TAF8: variants seen among roughly 807,000 people sequenced by gnomAD.
TAF8 encodes TATA-box binding protein associated factor 8, also known as transcription initiation factor TFIID subunit 8.
TAF8 carries 47 observed loss-of-function variants against 36.5 expected under a neutral mutation model. The observed-to-expected ratio is 1.29, with a 90% confidence interval of 1.02 to 1.64. The LOEUF is 1.64. TAF8 is among the 40% of genes most tolerant of loss of function. The pLI, the probability that TAF8 is intolerant of heterozygous loss-of-function variation, is 0.00. For synonymous variants in TAF8, 175 were observed against 159.5 expected, an observed-to-expected ratio of 1.10 and a Z score of -0.73; for missense variants, 420 against 407.6, an observed-to-expected ratio of 1.03 and a Z score of -0.26.
Position 42,066,416 on chromosome 6 carries a change from C to A in TAF8, c.594C>A (p.Gly198=). The change falls in exon 6 of 9, where the codon GGC becomes GGA. Residue 198 remains glycine, a synonymous_variant. Transcript: ENST00000372977. Reference sequence around the variant, plus strand: ...TTACCCGTTTCATGGCCAAGACAGGCGAGACTCAGAGTCTTTTCAAAGATG... The same window carrying A: ...TTACCCGTTTCATGGCCAAGACAGGAGAGACTCAGAGTCTTTTCAAAGATG... ...RALTRFMAKT[G]ETQSLFKDDV... The A allele has an allele frequency of 6.2e-7, 1 of 1,614,180 alleles. No individual in the cohort carries two copies. Among genetic ancestry groups the A allele is most frequent in the Non-Finnish European group, 8.5e-7 (1 of 1,180,026 alleles).
downstream of TAF8, among the ~76,000 whole-genome samples, chr6:42,084,542 A>C (rs1161091511): frequency 2.0e-5 from 3 of 151,950 alleles, no homozygotes; most frequent in Non-Finnish European, 4.4e-5. Context: ...GGCTCACTGC[A>C]ACCTCCGCCT....
At chr6:42,077,443 C>A in intron 8 of TAF8, 90 bp from the exon 9 acceptor site, 1 of 1,578,644 alleles carries the variant, frequency 6.3e-7, no homozygotes, top group Non-Finnish European at 8.6e-7. Context: ...AGTCTAGGGA[C>A]CAACCCTCAC....
At chr6:42,050,645 C>A in intron 1 of TAF8, 59 bp downstream of exon 1, 1 of 1,502,868 alleles carries the variant, frequency 6.7e-7, no homozygotes, top group Non-Finnish European at 8.9e-7. Context: ...GCAACTTTCC[C>A]CTCGACTGAG....
chr6:42,060,502 A>G (rs749582732), intron 5 of TAF8, among the ~76,000 whole-genome samples: 1 of 152,184 alleles, frequency 6.6e-6, no homozygotes, highest in Non-Finnish European at 1.5e-5. Flanking sequence ...GAGCCCAGCC[A>G]TGGGTTTGTA....
intron 6 of TAF8, 22 bp from the exon 7 acceptor site, chr6:42,068,443 T>A (rs954182866): frequency 6.2e-7 from 1 of 1,613,492 alleles, no homozygotes; most frequent in Non-Finnish European, 8.5e-7. Flanking sequence ...AGTGGACTCA[T>A]GCCTCTCTTC....
chr6:42,070,868 C>CTA (rs1765541034), intron 7 of TAF8, among the ~76,000 whole-genome samples: 1 of 152,106 alleles, frequency 6.6e-6, no homozygotes, highest in African/African-American at 2.4e-5. Context: ...AATGGAGGGA[C>CTA]TAGCCTTCTT....
chr6:42,052,811 G>T (rs1245606230), intron 2 of TAF8, among the ~76,000 whole-genome samples: 1 of 152,104 alleles, frequency 6.6e-6, no homozygotes, highest in African/African-American at 2.4e-5. Flanking sequence ...AGAAAGGTTT[G>T]GGCAGAGGGA....
At chr6:42,067,500 CCA>C (rs1369770275) in intron 6 of TAF8, among the ~76,000 whole-genome samples, 1 of 152,194 alleles carries the variant, frequency 6.6e-6, no homozygotes, top group Non-Finnish European at 1.5e-5. Flanking sequence ...TAGGCATGAG[CCA>C]CCACACCCAG....
Position 42,055,933 on chromosome 6 carries a change from T to G in TAF8, c.302-19T>G. 1 of 1,581,606 alleles carries G rather than the reference T, an allele frequency of 6.3e-7. No individual in the cohort carries two copies. Among genetic ancestry groups the G allele is most frequent in the Non-Finnish European group, 8.7e-7 (1 of 1,150,422 alleles). ...TATCCAGTGGTCTGGGCAGTGATTT[T>G]TGTTTTCCTGTCTCTTAGGTTTCAA... On this transcript the variant is annotated intron_variant, in intron 3 of 8. Coordinates refer to ENST00000372977, the MANE Select transcript of TAF8 (RefSeq NM_138572.3).
Position 42,078,513 on chromosome 6 carries a change from G to A in TAF8, c.*968G>A, listed in dbSNP as rs773366128. ...GTTCTTTGTACTCCCTCAACGTGTCGGAAACAGGAGGCCACACAGCACAGC... is the reference window on the plus strand; with the variant it reads ...GTTCTTTGTACTCCCTCAACGTGTCAGAAACAGGAGGCCACACAGCACAGC... On this transcript the variant is annotated 3_prime_UTR_variant, in exon 9 of 9. Coordinates refer to ENST00000372977, the MANE Select transcript of TAF8 (RefSeq NM_138572.3). 11 of 985,380 alleles carry A rather than the reference G, an allele frequency of 1.1e-5. No homozygotes were observed. The highest frequency in any genetic ancestry group is 9.4e-5 in the South Asian group (2 of 21,284). The allele number at this position is 985,380 out of a possible 1,614,324, so 61.0% of individuals were successfully genotyped here.
chr6:42,065,983 C>G (rs546408596), intron 5 of TAF8, among the ~76,000 whole-genome samples: 37 of 152,312 alleles, frequency 2.4e-4, no homozygotes, highest in African/African-American at 8.9e-4. Flanking sequence ...TCACTGCAAC[C>G]TCCGCCTCCT....
At position 42,076,375 on chromosome 6, in the gene TAF8, C is replaced by T. The variant is rs116709576; in HGVS notation, c.781-725C>T. 7.8e-3 allele frequency among the ~76,000 whole-genome samples: 1,194 copies of T among 152,110 alleles called. 9 individuals carry two copies. The highest frequency in any genetic ancestry group is 0.018 in the South Asian group (86 of 4,814). ...TGAAGCAGGAGAATTGCTTGAACCC[C>T]GGAGACGGAGGCTGCAGTGAGCCGA... On this transcript the variant is annotated intron_variant, in intron 7 of 8. Transcript: ENST00000372977.
chr6:42,066,093 G>T (rs899256639), intron 5 of TAF8, among the ~76,000 whole-genome samples: 11 of 152,130 alleles, frequency 7.2e-5, no homozygotes, highest in Non-Finnish European at 1.3e-4. Context: ...TAGAGACGGG[G>T]TTTCGTTATG....
chr6:42,083,874 G>A (rs1191949851), downstream of TAF8, among the ~76,000 whole-genome samples: 1 of 152,136 alleles, frequency 6.6e-6, no homozygotes, highest in Non-Finnish European at 1.5e-5. Context: ...AGGGCTGAGT[G>A]TGGCAGTGAA....
At chr6:42,055,713 G>A in intron 3 of TAF8, 84 bp downstream of exon 3, 1 of 1,118,092 alleles carries the variant, frequency 8.9e-7, no homozygotes, top group Non-Finnish European at 1.4e-6. Context: ...AAGTGTTCTT[G>A]GTTTCCCTCA....
At chr6:42,055,358 G>A (rs1234138064) in intron 2 of TAF8, among the ~76,000 whole-genome samples, 173 bp from the exon 3 acceptor site, 1 of 152,106 alleles carries the variant, frequency 6.6e-6, no homozygotes, top group Non-Finnish European at 1.5e-5. Context: ...CTACCTTTTG[G>A]CTGCTGTGAA....
downstream of TAF8, among the ~76,000 whole-genome samples, chr6:42,084,782 T>G (rs189974323): frequency 1.1e-3 from 164 of 152,294 alleles, 3 homozygotes; most frequent in Middle Eastern, 3.4e-3. Flanking sequence ...AATAGTAGTA[T>G]TATTTTTGCT....
intron 5 of TAF8, among the ~76,000 whole-genome samples, chr6:42,062,269 AC>A (rs1446297846): frequency 4.6e-5 from 7 of 152,122 alleles, no homozygotes; most frequent in Non-Finnish European, 2.9e-5. Flanking sequence ...ACTTTTTAGA[AC>A]CCTTTACAAT....
In TAF8 at chr6:42,077,180, G is replaced by T; in HGVS notation, c.861G>T (p.Glu287Asp). The T allele has an allele frequency of 6.2e-7, 1 of 1,614,156 alleles. No homozygotes were observed. The highest frequency in any genetic ancestry group is 8.5e-7 in the Non-Finnish European group (1 of 1,180,004). Residue 287 changes from glutamate (E) to aspartate (D), a missense_variant, in exon 8 of 9, where the codon GAG (glutamate) becomes GAT (aspartate). Physicochemically the swap from Glu to Asp is conservative, Grantham distance 45. Coordinates refer to ENST00000372977, the MANE Select transcript of TAF8 (RefSeq NM_138572.3). ...PSLSGSRNGE[E>D]NIIDNPYLRP... is the part of the protein sequence containing the mutation. ...TGTCGGGTAGCCGGAATGGGGAGGA[G>T]AACATCATCGATAACCCTTATCTGC... is the stretch of plus-strand genomic sequence containing the variant.
Sources: allele counts gnomAD v4.1 joint callset (sites outside exome capture counted in the v4.1 genomes callset), GRCh38; gene constraint gnomAD v4.1.1; transcripts MANE v1.5; gene names NCBI Gene and HGNC (gene_info 2026-07-23, HGNC 2026-07-21).